DENND1B: variants seen among roughly 807,000 people sequenced by gnomAD.
DENND1B encodes DENN domain containing 1B.
A neutral mutation model predicts 90.1 loss-of-function variants in DENND1B; 59 were observed. That is an observed-to-expected ratio of 0.65 (90% confidence interval 0.53 to 0.81). The LOEUF (loss-of-function observed/expected upper bound fraction) is 0.81, where lower values mean the gene tolerates loss of function less well. DENND1B is among the 40% of genes least tolerant of loss of function. The pLI is 0.00. For synonymous variants in DENND1B, 337 were observed against 324.6 expected (o/e 1.04, Z -0.41); for missense variants, 862 against 912.6 (o/e 0.94, Z 0.71).
At chr1:197,580,072 T>C (rs916265472) in intron 15 of DENND1B, among the ~76,000 whole-genome samples, 4 of 145,266 alleles carry the variant, frequency 2.8e-5, no homozygotes, top group African/African-American at 1.0e-4. Context: ...TAATTTTTCT[T>C]TCTTTTCTTT....
intron 18 of DENND1B, among the ~76,000 whole-genome samples, chr1:197,541,670 G>T (rs763681894): frequency 6.6e-6 from 1 of 152,124 alleles, no homozygotes; most frequent in Admixed American, 6.5e-5. Context: ...TGTTCCACTA[G>T]AAATTCCTAC....
intron 9 of DENND1B, among the ~76,000 whole-genome samples, chr1:197,644,259 T>C (rs1680537113): frequency 6.6e-6 from 1 of 152,236 alleles, no homozygotes; most frequent in South Asian, 2.1e-4. Flanking sequence ...CTTATGCTTA[T>C]TCTCTTGCTT....
At chr1:197,603,971 T>C (rs1328366150) in intron 13 of DENND1B, among the ~76,000 whole-genome samples, 2 of 151,278 alleles carry the variant, frequency 1.3e-5, no homozygotes, top group Non-Finnish European at 3.0e-5. Flanking sequence ...CTAACTGTGA[T>C]TGATGCTGTA....
At position 197,599,192 on chromosome 1, in the gene DENND1B, G is replaced by T. The variant is rs187419917; in HGVS notation, c.922-3859C>A. On this transcript the variant is annotated intron_variant, in intron 13 of 22. Coordinates refer to ENST00000620048, the MANE Select transcript of DENND1B (RefSeq NM_001195215.2). ...GCCATGTGCACTCAGTCTAAGTAAT[G>T]AAGTAATTATACCAAAGGACAGTAA... 3.7e-3 allele frequency among the ~76,000 whole-genome samples: 564 copies of T among 151,914 alleles called. 1 individual carries two copies. The highest frequency in any genetic ancestry group is 5.8e-3 in the Non-Finnish European group (396 of 67,854).
At chr1:197,643,224 G>C (rs184225576) in intron 9 of DENND1B, among the ~76,000 whole-genome samples, 1 of 151,282 alleles carries the variant, frequency 6.6e-6, no homozygotes, top group African/African-American at 2.4e-5. Flanking sequence ...GTGAGATCTT[G>C]GCTCATTGCA....
intron 2 of DENND1B, among the ~76,000 whole-genome samples, chr1:197,722,489 AG>A (rs1390771806): frequency 1.3e-5 from 2 of 152,140 alleles, no homozygotes; most frequent in Non-Finnish European, 2.9e-5. Flanking sequence ...CAAGTCTAAA[AG>A]TTTCTTAGTT....
chr1:197,748,632 A>G (rs1473674027), intron 2 of DENND1B, among the ~76,000 whole-genome samples: 1 of 152,174 alleles, frequency 6.6e-6, no homozygotes, highest in Non-Finnish European at 1.5e-5. Context: ...TTGAAGACAG[A>G]AGGAGGCCAA....
intron 10 of DENND1B, among the ~76,000 whole-genome samples, chr1:197,620,806 G>A (rs1002494460): frequency 2.6e-5 from 4 of 151,360 alleles, no homozygotes; most frequent in African/African-American, 9.7e-5. Context: ...TTTCTATGGA[G>A]CTTATGTGTT....
At chr1:197,579,860 C>T (rs1674040410) in intron 15 of DENND1B, among the ~76,000 whole-genome samples, 1 of 152,078 alleles carries the variant, frequency 6.6e-6, no homozygotes, top group South Asian at 2.1e-4. Flanking sequence ...AGTTTATTTG[C>T]TACCTTTTTG....
chr1:197,590,057 T>C (rs936922109), intron 14 of DENND1B, among the ~76,000 whole-genome samples: 1 of 152,206 alleles, frequency 6.6e-6, no homozygotes, highest in Non-Finnish European at 1.5e-5. Context: ...TTCTTAGTTA[T>C]TTAATACAAT....
chr1:197,774,989 C>T, intron 1 of DENND1B, 150 bp downstream of exon 1: 1 of 389,716 alleles, frequency 2.6e-6, no homozygotes, highest in Non-Finnish European at 4.1e-6. Context: ...CGGCCAGAGG[C>T]TTGGGGGCCG....
chr1:197,631,486 C>G (rs1242797840), intron 10 of DENND1B, among the ~76,000 whole-genome samples: 1 of 151,900 alleles, frequency 6.6e-6, no homozygotes, highest in African/African-American at 2.4e-5. Context: ...ACCATATATT[C>G]AGACAATATT....
chr1:197,729,037 C>T (rs193280536), intron 2 of DENND1B, among the ~76,000 whole-genome samples: 2 of 152,162 alleles, frequency 1.3e-5, no homozygotes, highest in African/African-American at 2.4e-5. Context: ...ACATGCTGCA[C>T]CCCCTTCTGA....
intron 3 of DENND1B, among the ~76,000 whole-genome samples, chr1:197,678,996 G>A (rs1260998460): frequency 6.6e-6 from 1 of 151,808 alleles, no homozygotes; most frequent in Non-Finnish European, 1.5e-5. Flanking sequence ...CTTAAATTAG[G>A]GAAAGCACTC....
chr1:197,747,880 C>T (rs1652908661), intron 2 of DENND1B, among the ~76,000 whole-genome samples: 1 of 152,182 alleles, frequency 6.6e-6, no homozygotes, highest in African/African-American at 2.4e-5. Context: ...TATTGATGCT[C>T]ATGTCACTTG....
chr1:197,713,775 T>TATTATTATAA (rs1342968102), intron 3 of DENND1B, among the ~76,000 whole-genome samples: 3 of 14,472 alleles, frequency 2.1e-4, no homozygotes, highest in Non-Finnish European at 3.1e-4. Context: ...TATTATATTA[T>TATTATTATAA]TATATTATAT....
chr1:197,620,240 T>C (rs1430887289), intron 10 of DENND1B, among the ~76,000 whole-genome samples: 1 of 151,170 alleles, frequency 6.6e-6, no homozygotes, highest in Non-Finnish European at 1.5e-5. Context: ...CTTTTACAGA[T>C]GATAGCAAAG....
At chr1:197,580,349 C>T (rs984676275) in intron 15 of DENND1B, among the ~76,000 whole-genome samples, 2 of 150,446 alleles carry the variant, frequency 1.3e-5, no homozygotes, top group African/African-American at 2.5e-5. Flanking sequence ...CCACCCGTCT[C>T]GGTCTCCCAG....
chr1:197,696,413 G>C (rs757095044), intron 3 of DENND1B, among the ~76,000 whole-genome samples: 1 of 151,314 alleles, frequency 6.6e-6, no homozygotes, highest in African/African-American at 2.4e-5. Context: ...TATTTATCAT[G>C]GAAGCACATA....
Sources: gnomAD v4.1 joint callset for allele counts (sites outside exome capture counted in the v4.1 genomes callset) on GRCh38, gnomAD v4.1.1 for gene constraint, MANE v1.5 for transcripts, NCBI Gene and HGNC (gene_info 2026-07-23, HGNC 2026-07-21) for gene names.